The following SRSF3 variants were observed in gnomAD, a reference collection of about 807,000 sequenced individuals.
SRSF3 encodes serine and arginine rich splicing factor 3.
For synonymous variants in SRSF3, 87 were observed against 73.6 expected, an observed-to-expected ratio of 1.18 and a Z score of -0.93; for missense variants, 58 against 217.1, an observed-to-expected ratio of 0.27 and a Z score of 4.61.
At chr6:36,601,045 C>T (rs2127506424) in intron 3 of SRSF3, 107 bp from the exon 4 acceptor site, 3 of 236,964 alleles carry the variant, frequency 1.3e-5, no homozygotes, top group Non-Finnish European at 2.3e-5. Flanking sequence ...GGTGCCAGTT[C>T]TTCGGCACAT....
At position 36,604,697 on chromosome 6, in the gene SRSF3, AC is replaced by A. The variant is rs1403213003; in HGVS notation, c.*2709del. 1 of 156,024 alleles carries A rather than the reference AC, an allele frequency of 6.4e-6. No individual in the cohort carries two copies. The highest frequency in any genetic ancestry group is 1.7e-4 in the East Asian group (1 of 5,848). The allele number at this position is 156,024 out of a possible 1,614,324, so 9.7% of individuals were successfully genotyped here. ...TGGATGGAAAATCCAGGTTATTACTACATTCATTTTAGTACAGTGCTGCCTA... is the reference window on the plus strand; with the variant it reads ...TGGATGGAAAATCCAGGTTATTACTAATTCATTTTAGTACAGTGCTGCCTA... On this transcript the variant is annotated 3_prime_UTR_variant, in exon 6 of 6. Transcript: ENST00000373715.
intron 1 of SRSF3, among the ~76,000 whole-genome samples, chr6:36,595,489 ACTC>A (rs1225896479): frequency 6.6e-6 from 1 of 152,060 alleles, no homozygotes; most frequent in Non-Finnish European, 1.5e-5. Context: ...TTGAGCACTT[ACTC>A]CCAGATTCCC....
Position 36,600,388 on chromosome 6 carries a change from G to A in SRSF3, c.342-764G>A, listed in dbSNP as rs572336983. The A allele has an allele frequency of 6.5e-6, 4 of 612,532 alleles. No homozygotes were observed. In the South Asian group the frequency reaches 2.8e-4, roughly 42 times the overall value. The allele number at this position is 612,532 out of a possible 1,614,324, so 37.9% of individuals were successfully genotyped here. On this transcript the variant is annotated intron_variant, in intron 3 of 5. Coordinates refer to ENST00000373715, the MANE Select transcript of SRSF3 (RefSeq NM_003017.5). ...TGGCTGTGCATAATTGAATGGTAAC[G>A]TACATATATATTGCTTGAAAAACTT...
Position 36,604,622 on chromosome 6 carries a change from A to G in SRSF3, c.*2633A>G. The G allele has an allele frequency of 6.0e-6, 1 of 167,822 alleles. No homozygotes were observed. Among genetic ancestry groups the G allele is most frequent in the Non-Finnish European group, 1.3e-5 (1 of 76,994 alleles). 10.4% of individuals were successfully genotyped at this position (167,822 alleles called of 1,614,324 possible). ...ACGTGATCCCGTCAGCGTCCATGAC[A>G]CTCCCACCCTGTTAGACTGCTGTCA... On this transcript the variant is annotated 3_prime_UTR_variant, in exon 6 of 6. Coordinates refer to ENST00000373715, the MANE Select transcript of SRSF3 (RefSeq NM_003017.5).
chr6:36,595,931 G>GTT (rs200013684), intron 1 of SRSF3, among the ~76,000 whole-genome samples: 3 of 143,560 alleles, frequency 2.1e-5, no homozygotes, highest in Admixed American at 6.9e-5. Context: ...ATTTATTTGT[G>GTT]GTTTTTTTTT....
chr6:36,597,522 A>G (rs1778650834), intron 2 of SRSF3, among the ~76,000 whole-genome samples: 1 of 152,170 alleles, frequency 6.6e-6, no homozygotes, highest in Non-Finnish European at 1.5e-5. Flanking sequence ...TACTCCAGAA[A>G]GTGAATCACT....
chr6:36,596,594 C>A (rs1582509586), intron 1 of SRSF3, among the ~76,000 whole-genome samples, 167 bp from the exon 2 acceptor site: 1 of 129,930 alleles, frequency 7.7e-6, no homozygotes, highest in African/African-American at 2.9e-5. Context: ...GAAATGGGTG[C>A]TTAGCAGTAA....
chr6:36,596,326 C>T (rs1037825145), intron 1 of SRSF3, among the ~76,000 whole-genome samples: 3 of 152,020 alleles, frequency 2.0e-5, no homozygotes, highest in Non-Finnish European at 4.4e-5. Flanking sequence ...GGTAGTATAA[C>T]CTTAAGGACT....
chr6:36,596,649 T>C (rs1232867256), intron 1 of SRSF3, 112 bp from the exon 2 acceptor site: 4 of 951,998 alleles, frequency 4.2e-6, no homozygotes, highest in Non-Finnish European at 4.8e-6. Flanking sequence ...TTTTTTTCTT[T>C]ACGTGCTACC....
rs1292379474 is a variant in SRSF3 at position 36,603,567 on chromosome 6, CAA to C, written c.*1580_*1581del. The stretch of plus-strand genomic sequence containing the variant: ...GATACATTAAGATACAGTTCCTAAA[CAA>C]ATTATTTATTTCCACCTTTTACACA... On this transcript the variant is annotated 3_prime_UTR_variant, in exon 6 of 6. Coordinates refer to ENST00000373715, the MANE Select transcript of SRSF3 (RefSeq NM_003017.5). 1 of 227,766 alleles carries C rather than the reference CAA, an allele frequency of 4.4e-6. No individual in the cohort carries two copies. Among genetic ancestry groups the C allele is most frequent in the Non-Finnish European group, 8.7e-6 (1 of 114,566 alleles). 14.1% of individuals were successfully genotyped at this position (227,766 alleles called of 1,614,324 possible).
At chr6:36,599,927 C>T in intron 3 of SRSF3, 1 of 1,346,860 alleles carries the variant, frequency 7.4e-7, no homozygotes, top group South Asian at 1.1e-5. Context: ...TGGCTGGTGT[C>T]GTTTCACATG....
intron 2 of SRSF3, 178 bp from the exon 3 acceptor site, chr6:36,598,671 C>T (rs146387610): frequency 1.2e-4 from 83 of 688,036 alleles, no homozygotes; most frequent in African/African-American, 8.0e-4. Context: ...CGTGTACCAC[C>T]GTGCCTGGCC....
At position 36,604,601 on chromosome 6, in the gene SRSF3, G is replaced by T. The variant is rs1778781147; in HGVS notation, c.*2612G>T. 5.9e-6 allele frequency: 1 copy of T among 170,542 alleles called. No individual in the cohort carries two copies. Among genetic ancestry groups the T allele is most frequent in the East Asian group, 1.1e-4 (1 of 9,092 alleles). The allele number at this position is 170,542 out of a possible 1,614,324, so 10.6% of individuals were successfully genotyped here. A position where few individuals can be genotyped will look rare whatever the true frequency, so the allele number is the denominator to read the frequency against. On this transcript the variant is annotated 3_prime_UTR_variant, in exon 6 of 6. Transcript: ENST00000373715. Reference sequence around the variant, plus strand: ...GTATCTTAGAGATCCTTACAAACGTGATCCCGTCAGCGTCCATGACACTCC... The same window carrying T: ...GTATCTTAGAGATCCTTACAAACGTTATCCCGTCAGCGTCCATGACACTCC...
Position 36,604,319 on chromosome 6 carries a change from A to G in SRSF3, c.*2330A>G, listed in dbSNP as rs1264645951. ...ATTATATTTGATTGTTTTCAAAGAC[A>G]CTGGCTGGATGTGGTGGCTCACACT... On this transcript the variant is annotated 3_prime_UTR_variant, in exon 6 of 6. Transcript: ENST00000373715. The G allele has an allele frequency of 4.7e-6, 1 of 210,704 alleles. No homozygotes were observed. The highest frequency in any genetic ancestry group is 9.6e-6 in the Non-Finnish European group (1 of 103,836). The allele number at this position is 210,704 out of a possible 1,614,324, so 13.1% of individuals were successfully genotyped here.
In SRSF3 at chr6:36,603,509, A is replaced by G. The variant is rs770350241; in HGVS notation, c.*1520A>G. 4.4e-6 allele frequency: 1 copy of G among 225,858 alleles called. No individual in the cohort carries two copies. The highest frequency in any genetic ancestry group is 8.8e-6 in the Non-Finnish European group (1 of 113,322). The allele number at this position is 225,858 out of a possible 1,614,324, so 14.0% of individuals were successfully genotyped here. A position where few individuals can be genotyped will look rare whatever the true frequency, so the allele number is the denominator to read the frequency against. On this transcript the variant is annotated 3_prime_UTR_variant, in exon 6 of 6. Transcript: ENST00000373715. ...GTATTGACTGTCTTAAATATGAAAGATAAGTCATTGCATTAAGAGTTCAAG... is the reference window on the plus strand; with the variant it reads ...GTATTGACTGTCTTAAATATGAAAGGTAAGTCATTGCATTAAGAGTTCAAG...
At chr6:36,597,078 CTTTAGATACAATTGGGATCTTT>C in intron 2 of SRSF3, 110 bp downstream of exon 2, 1 of 564,286 alleles carries the variant, frequency 1.8e-6, no homozygotes, top group Admixed American at 3.2e-5. Context: ...CCAATTGTAT[CTTTAGATACAATTGGGATCTTT>C]TTTTTTTTTT....
intron 1 of SRSF3, among the ~76,000 whole-genome samples, chr6:36,596,035 C>G (rs3756906): frequency 0.11 from 15,947 of 145,228 alleles, 1,833 homozygotes; most frequent in African/African-American, 0.27. Context: ...AGCGATTGTT[C>G]TGCCTCAGCC....
At chr6:36,601,279 A>G (rs1378641693) in intron 4 of SRSF3, 89 bp downstream of exon 4, 9 of 1,350,782 alleles carry the variant, frequency 6.7e-6, no homozygotes, top group African/African-American at 1.4e-5. Flanking sequence ...GTTAATGGGA[A>G]TAAACCTTGG....
chr6:36,595,281 C>T (rs1283513665), intron 1 of SRSF3, among the ~76,000 whole-genome samples: 1 of 152,196 alleles, frequency 6.6e-6, no homozygotes, highest in South Asian at 2.1e-4. Context: ...TTATCAAATA[C>T]AAGTCCGCCA....
Sources: gnomAD v4.1 joint callset for allele counts (sites outside exome capture counted in the v4.1 genomes callset) on GRCh38, gnomAD v4.1.1 for gene constraint, MANE v1.5 for transcripts, NCBI Gene and HGNC (gene_info 2026-07-23, HGNC 2026-07-21) for gene names.